The following GULP1 variants were observed in gnomAD, a reference collection of about 807,000 sequenced individuals.
GULP1 encodes GULP PTB domain containing engulfment adaptor 1.
A neutral mutation model predicts 40.9 loss-of-function variants in GULP1; 19 were observed. The observed-to-expected ratio is 0.46, with a 90% CI of 0.32 to 0.68. The LOEUF is 0.68. Among genes scored for constraint, GULP1 ranks in the 30% least tolerant of loss-of-function variants. GULP1 has a pLI of 0.03. For missense variants in GULP1, 312 were observed against 362.2 expected (o/e 0.86, Z 1.12); for synonymous variants, 119 against 117.6 (o/e 1.01, Z -0.08).
intron 1 of GULP1, among the ~76,000 whole-genome samples, chr2:188,325,131 T>A (rs1032303864): frequency 6.6e-6 from 1 of 152,006 alleles, no homozygotes; most frequent in Admixed American, 6.6e-5. Context: ...TACCGAAACA[T>A]TTATTGATAT....
In GULP1 at chr2:188,594,229, C is replaced by A; in HGVS notation, c.*218C>A. ...TAAAGTAGATCATACTTTTATGTTCCTTTCTGTTTCTACTGTAGATGAATT... is the reference window on the plus strand; with the variant it reads ...TAAAGTAGATCATACTTTTATGTTCATTTCTGTTTCTACTGTAGATGAATT... On this transcript the variant is annotated 3_prime_UTR_variant, in exon 12 of 12. Transcript: ENST00000409830. 2.9e-6 allele frequency: 1 copy of A among 346,802 alleles called. No individual in the cohort carries two copies. The highest frequency in any genetic ancestry group is 5.2e-6 in the Non-Finnish European group (1 of 191,100). 21.5% of individuals were successfully genotyped at this position (346,802 alleles called of 1,614,324 possible).
intron 5 of GULP1, among the ~76,000 whole-genome samples, chr2:188,525,591 G>T (rs1282873618): frequency 6.8e-6 from 1 of 147,100 alleles, no homozygotes; most frequent in African/African-American, 2.6e-5. Flanking sequence ...AATTTGTGAT[G>T]TTTACATGTA....
At chr2:188,476,058 C>T (rs1019336374) in intron 2 of GULP1, among the ~76,000 whole-genome samples, 3 of 151,946 alleles carry the variant, frequency 2.0e-5, no homozygotes, top group Admixed American at 6.6e-5. Context: ...AGAAAAAATG[C>T]GAGTGCATTT....
intron 1 of GULP1, among the ~76,000 whole-genome samples, chr2:188,297,174 T>G (rs989418338): frequency 2.6e-5 from 4 of 152,130 alleles, no homozygotes; most frequent in African/African-American, 9.6e-5. Flanking sequence ...TTTTCCAAAT[T>G]CTAAAAGTGT....
intron 7 of GULP1, among the ~76,000 whole-genome samples, chr2:188,554,877 A>G (rs2153386799): frequency 6.6e-6 from 1 of 152,194 alleles, no homozygotes; most frequent in East Asian, 1.9e-4. Flanking sequence ...CACTGGATAT[A>G]TTCCTTTATC....
At chr2:188,342,176 T>A (rs1466690347) in intron 1 of GULP1, among the ~76,000 whole-genome samples, 1 of 152,174 alleles carries the variant, frequency 6.6e-6, no homozygotes, top group Non-Finnish European at 1.5e-5. Flanking sequence ...CAGCAGACAT[T>A]TATTCTCTCA....
chr2:188,353,057 C>A (rs1430428351), intron 1 of GULP1, among the ~76,000 whole-genome samples: 2 of 151,986 alleles, frequency 1.3e-5, no homozygotes, highest in African/African-American at 4.8e-5. Flanking sequence ...AAACTATAAA[C>A]CTGGAAAATT....
chr2:188,412,409 A>T (rs983407527), intron 2 of GULP1, among the ~76,000 whole-genome samples: 3 of 152,124 alleles, frequency 2.0e-5, no homozygotes, highest in Admixed American at 2.0e-4. Flanking sequence ...CCCAGCTAAC[A>T]CTGTAACTCT....
intron 2 of GULP1, among the ~76,000 whole-genome samples, chr2:188,453,638 T>C (rs2152927876): frequency 6.6e-6 from 1 of 152,308 alleles, no homozygotes; most frequent in East Asian, 1.9e-4. Flanking sequence ...ATTGACATAT[T>C]CCAAGATACA....
Position 188,588,448 on chromosome 2 carries a change from G to C in GULP1, c.843+499G>C, listed in dbSNP as rs2153472360. The C allele has an allele frequency of 1.3e-5, 2 of 158,818 alleles. 1 individual carries two copies. The highest frequency in any genetic ancestry group is 3.5e-4 in the South Asian group (2 of 5,706). 9.8% of individuals were successfully genotyped at this position (158,818 alleles called of 1,614,324 possible). A position where few individuals can be genotyped will look rare whatever the true frequency, so the allele number is the denominator to read the frequency against. ...CAGTGACAACTTATTTAGGAATGTA[G>C]TTCAGTTGGGTTTTCATTTCTCTCT... On this transcript the variant is annotated intron_variant, in intron 11 of 11. Transcript: ENST00000409830.
At chr2:188,390,276 A>G (rs561824845) in intron 2 of GULP1, among the ~76,000 whole-genome samples, 3 of 152,196 alleles carry the variant, frequency 2.0e-5, no homozygotes, top group East Asian at 3.9e-4. Context: ...TTCCACGCCA[A>G]ATCTATTATT....
At chr2:188,438,843 T>C (rs1241291712) in intron 2 of GULP1, among the ~76,000 whole-genome samples, 1 of 151,998 alleles carries the variant, frequency 6.6e-6, no homozygotes, top group Non-Finnish European at 1.5e-5. Flanking sequence ...TATTATTGAT[T>C]TGTATGTTTT....
rs557846136 is a variant in GULP1 at position 188,514,486 on chromosome 2, TTAAG to T, written c.91-8265_91-8262del. The stretch of plus-strand genomic sequence containing the variant: ...ATAAATAAATAAAACCCTGAACACT[TTAAG>T]TAAGAAAAAAATGCAGGAACAAATA... On this transcript the variant is annotated intron_variant, in intron 4 of 11. Coordinates refer to ENST00000409830, the MANE Select transcript of GULP1 (RefSeq NM_016315.4). 2.4e-3 allele frequency among the ~76,000 whole-genome samples: 358 copies of T among 152,182 alleles called. 2 individuals are homozygous for T. Among genetic ancestry groups the T allele is most frequent in the African/African-American group, 8.2e-3 (339 of 41,518 alleles).
chr2:188,553,244 T>A (rs924996388), intron 7 of GULP1, among the ~76,000 whole-genome samples: 4 of 152,008 alleles, frequency 2.6e-5, no homozygotes, highest in Non-Finnish European at 4.4e-5. Context: ...AAGGTGGGCA[T>A]TCTTGTCTTG....
chr2:188,354,860 A>G (rs557420204), intron 1 of GULP1, among the ~76,000 whole-genome samples: 32 of 152,320 alleles, frequency 2.1e-4, no homozygotes, highest in African/African-American at 7.2e-4. Flanking sequence ...TTTTCTCTTC[A>G]TAACACAGTA....
chr2:188,466,907 C>T (rs1287439077), intron 2 of GULP1, among the ~76,000 whole-genome samples: 1 of 152,038 alleles, frequency 6.6e-6, no homozygotes, highest in Admixed American at 6.5e-5. Context: ...TGAATTCTGC[C>T]TTTCAAACTT....
chr2:188,314,390 C>T (rs1207012389), intron 1 of GULP1, among the ~76,000 whole-genome samples: 1 of 152,028 alleles, frequency 6.6e-6, no homozygotes, highest in Non-Finnish European at 1.5e-5. Flanking sequence ...AAAAATAGAA[C>T]CCATGTCCTA....
At chr2:188,307,135 A>G (rs2037228368) in intron 1 of GULP1, among the ~76,000 whole-genome samples, 1 of 152,206 alleles carries the variant, frequency 6.6e-6, no homozygotes, top group African/African-American at 2.4e-5. Context: ...TAGTATTATT[A>G]TGTCATGAAA....
intron 2 of GULP1, among the ~76,000 whole-genome samples, chr2:188,418,356 G>C (rs2054871079): frequency 6.6e-6 from 1 of 152,016 alleles, no homozygotes; most frequent in South Asian, 2.1e-4. Context: ...TTTAGGCCTG[G>C]CACAGTGGCT....
Sources: gnomAD v4.1 joint callset for allele counts (sites outside exome capture counted in the v4.1 genomes callset) on GRCh38, gnomAD v4.1.1 for gene constraint, MANE v1.5 for transcripts, NCBI Gene and HGNC (gene_info 2026-07-23, HGNC 2026-07-21) for gene names.